Variants in KITLG observed in about 807,000 individuals in gnomAD.
KITLG encodes the protein c-Kit ligand.
In KITLG, 13 loss-of-function variants were observed where a neutral mutation model predicts 34.1. The observed-to-expected ratio is 0.38, with a 90% CI of 0.25 to 0.61. The LOEUF (loss-of-function observed/expected upper bound fraction) is 0.61, where lower values mean the gene tolerates loss of function less well. Among genes scored for constraint, KITLG ranks in the 20% least tolerant of loss-of-function variants. The pLI, the probability that KITLG is intolerant of heterozygous loss-of-function variation, is 0.60. For missense variants in KITLG, 292 were observed against 318.9 expected, an observed-to-expected ratio of 0.92 and a Z score of 0.64; for synonymous variants, 110 against 104.0, an observed-to-expected ratio of 1.06 and a Z score of -0.35.
At chr12:88,522,280 A>C (rs1764681556) in intron 3 of KITLG, among the ~76,000 whole-genome samples, 1 of 152,114 alleles carries the variant, frequency 6.6e-6, no homozygotes, top group African/African-American at 2.4e-5. Flanking sequence ...GGCTGAAATA[A>C]ACCATGTGTT....
At chr12:88,547,019 C>T (rs1056757992) in intron 1 of KITLG, among the ~76,000 whole-genome samples, 1 of 152,042 alleles carries the variant, frequency 6.6e-6, no homozygotes. Flanking sequence ...CAAGGGCTGA[C>T]AAAGAAAAGA....
intron 1 of KITLG, among the ~76,000 whole-genome samples, chr12:88,571,473 T>C (rs1871648006): frequency 6.6e-6 from 1 of 152,206 alleles, no homozygotes; most frequent in Non-Finnish European, 1.5e-5. Context: ...TAAATGATGT[T>C]ATGCATTCAC....
intron 1 of KITLG, among the ~76,000 whole-genome samples, chr12:88,579,938 T>A (rs1400892173): frequency 1.3e-5 from 2 of 152,216 alleles, no homozygotes; most frequent in Non-Finnish European, 2.9e-5. Context: ...TGCCTTCCCG[T>A]GATAACTTAA....
chr12:88,521,443 T>A (rs1468011917), intron 3 of KITLG, among the ~76,000 whole-genome samples: 1 of 152,110 alleles, frequency 6.6e-6, no homozygotes, highest in Non-Finnish European at 1.5e-5. Flanking sequence ...AAATAAATGA[T>A]TAAAGATTGT....
intron 1 of KITLG, among the ~76,000 whole-genome samples, chr12:88,552,426 G>T (rs1870951013): frequency 6.6e-6 from 1 of 151,584 alleles, no homozygotes; most frequent in Non-Finnish European, 1.5e-5. Flanking sequence ...CTGAGCTCAG[G>T]TAATCCACCC....
At chr12:88,506,513 T>C (rs1414588961) in intron 7 of KITLG, 135 bp from the exon 8 acceptor site, 1 of 703,942 alleles carries the variant, frequency 1.4e-6, no homozygotes, top group Admixed American at 2.1e-5. Flanking sequence ...GCATGCAAAA[T>C]ATCTTTGTAA....
chr12:88,529,138 C>T (rs988346634), intron 3 of KITLG, among the ~76,000 whole-genome samples: 2 of 152,022 alleles, frequency 1.3e-5, no homozygotes, highest in Non-Finnish European at 2.9e-5. Flanking sequence ...CTTATGTATC[C>T]ATAATAGCTA....
At chr12:88,569,773 C>T (rs1566037175) in intron 1 of KITLG, among the ~76,000 whole-genome samples, 1 of 152,098 alleles carries the variant, frequency 6.6e-6, no homozygotes, top group Admixed American at 6.6e-5. Context: ...GACTTTTTAG[C>T]CAACATTTTC....
intron 1 of KITLG, among the ~76,000 whole-genome samples, chr12:88,548,906 T>A (rs1378974023): frequency 6.6e-6 from 1 of 152,200 alleles, no homozygotes. Flanking sequence ...TAGAACTAAC[T>A]GTACTCTTTT....
At chr12:88,526,267 C>T (rs1362833687) in intron 3 of KITLG, among the ~76,000 whole-genome samples, 1 of 152,008 alleles carries the variant, frequency 6.6e-6, no homozygotes, top group Non-Finnish European at 1.5e-5. Context: ...CTGTGATTCC[C>T]CAAAATTGCA....
At chr12:88,565,496 G>A (rs998644442) in intron 1 of KITLG, among the ~76,000 whole-genome samples, 3 of 151,998 alleles carry the variant, frequency 2.0e-5, no homozygotes, top group Non-Finnish European at 2.9e-5. Flanking sequence ...GTGGTGGCAC[G>A]TGCCTGTAAT....
intron 1 of KITLG, among the ~76,000 whole-genome samples, chr12:88,568,819 A>C (rs1036158602): frequency 2.6e-5 from 4 of 152,200 alleles, no homozygotes; most frequent in Non-Finnish European, 5.9e-5. Context: ...AAAAAAAAGA[A>C]GGGAAAGAAC....
intron 1 of KITLG, among the ~76,000 whole-genome samples, chr12:88,579,464 GA>G (rs915563780): frequency 6.0e-5 from 9 of 151,222 alleles, no homozygotes; most frequent in African/African-American, 1.2e-4. Context: ...TTCTTCAAGG[GA>G]AAAAAAAATC....
intron 2 of KITLG, among the ~76,000 whole-genome samples, chr12:88,542,741 G>C (rs1353675800): frequency 6.6e-6 from 1 of 151,812 alleles, no homozygotes; most frequent in Admixed American, 6.6e-5. Flanking sequence ...GAAACATTAG[G>C]GTTCTCACAC....
rs114826492 is a variant in KITLG at position 88,536,846 on chromosome 12, C to T, written c.130-4343G>A. Among the ~76,000 whole-genome samples, 413 of 152,064 alleles carry T rather than the reference C, an allele frequency of 2.7e-3. 3 individuals carry two copies. Among genetic ancestry groups the T allele is most frequent in the Middle Eastern group, 0.02 (6 of 294 alleles). On this transcript the variant is annotated intron_variant, in intron 2 of 9. Coordinates refer to ENST00000644744, the MANE Select transcript of KITLG (RefSeq NM_000899.5). ...CCAGGGCCTGTTGGGTATTGGGGGG[C>T]TAGGCGAAGGATAGCACTAGGAGAA...
chr12:88,575,653 CAACTT>C (rs1185524808), intron 1 of KITLG, among the ~76,000 whole-genome samples: 1 of 152,116 alleles, frequency 6.6e-6, no homozygotes, highest in Non-Finnish European at 1.5e-5. Context: ...GGTGTTCCCT[CAACTT>C]GTTTTGTAAA....
chr12:88,536,967 G>A (rs993016751), intron 2 of KITLG, among the ~76,000 whole-genome samples: 7 of 152,040 alleles, frequency 4.6e-5, no homozygotes, highest in Non-Finnish European at 5.9e-5. Flanking sequence ...TTGTACCCCA[G>A]AACTTAAAGT....
chr12:88,548,985 T>A (rs1318947186), intron 1 of KITLG, among the ~76,000 whole-genome samples: 1 of 152,160 alleles, frequency 6.6e-6, no homozygotes, highest in Non-Finnish European at 1.5e-5. Context: ...GATAAGTGTC[T>A]CATTAAGAAG....
chr12:88,580,292 G>A lies in KITLG; in HGVS notation c.-14C>T. On this transcript the variant is annotated 5_prime_UTR_variant, in exon 1 of 10. Coordinates refer to ENST00000644744, the MANE Select transcript of KITLG (RefSeq NM_000899.5). ...TGTCTTCTTCATAAGGAAAGGCAGC[G>A]CTGCGATCCAGCACAAACAGTGGTG... 6.2e-7 allele frequency: 1 copy of A among 1,611,124 alleles called. No individual in the cohort carries two copies. Among genetic ancestry groups the A allele is most frequent in the South Asian group, 1.1e-5 (1 of 90,376 alleles).
Sources: gnomAD v4.1 joint callset for allele counts (sites outside exome capture counted in the v4.1 genomes callset) on GRCh38, gnomAD v4.1.1 for gene constraint, MANE v1.5 for transcripts, NCBI Gene and HGNC (gene_info 2026-07-23, HGNC 2026-07-21) for gene names.